The following USH2A variants were observed in gnomAD, a reference collection of about 807,000 sequenced individuals.
The protein encoded by USH2A is Usher syndrome 2A (autosomal recessive, mild).
In USH2A, 443 loss-of-function variants were observed where a neutral mutation model predicts 538.9. The observed-to-expected ratio is 0.82, with a 90% confidence interval of 0.76 to 0.89. The LOEUF (loss-of-function observed/expected upper bound fraction) is 0.89, where lower values mean the gene tolerates loss of function less well. Among genes scored for constraint, USH2A ranks in the 40% least tolerant of loss-of-function variants. The pLI is 0.00. For synonymous variants in USH2A, 2,413 were observed against 2,273.5 expected, an observed-to-expected ratio of 1.06 and a Z score of -1.75; for missense variants, 6,633 against 6,324.8, an observed-to-expected ratio of 1.05 and a Z score of -1.65.
chr1:215,837,856 C>A, intron 47 of USH2A, 135 bp downstream of exon 47: 5 of 756,438 alleles, frequency 6.6e-6, no homozygotes, highest in South Asian at 6.0e-5. Flanking sequence ...GAAATAATAT[C>A]AAAAATTTGA....
chr1:216,226,226 G>A (rs2035558075), intron 14 of USH2A, among the ~76,000 whole-genome samples: 1 of 152,188 alleles, frequency 6.6e-6, no homozygotes. Context: ...CATGTTCCAT[G>A]TGGATATAAA....
chr1:216,025,716 T>C (rs1006230388), intron 32 of USH2A, among the ~76,000 whole-genome samples: 3 of 152,102 alleles, frequency 2.0e-5, no homozygotes, highest in Non-Finnish European at 4.4e-5. Flanking sequence ...ATTTGATTTA[T>C]ATTTTAAAAA....
At chr1:216,214,325 T>C (rs1273598956) in intron 15 of USH2A, among the ~76,000 whole-genome samples, 2 of 151,956 alleles carry the variant, frequency 1.3e-5, no homozygotes, top group African/African-American at 4.8e-5. Context: ...AAACAAAATA[T>C]AGTGTATCCA....
intron 51 of USH2A, among the ~76,000 whole-genome samples, chr1:215,788,833 A>G (rs140135270): frequency 0.021 from 3,248 of 152,324 alleles, 54 homozygotes; most frequent in Admixed American, 0.032. Context: ...TAGTATTTTT[A>G]TACATTAAGC....
chr1:215,967,777 T>A (rs986313371), intron 36 of USH2A, among the ~76,000 whole-genome samples: 13 of 151,552 alleles, frequency 8.6e-5, no homozygotes, highest in Non-Finnish European at 1.6e-4. Context: ...AGGGTGAATG[T>A]GTTTGTACAT....
At chr1:215,702,922 G>T (rs534947000) in intron 61 of USH2A, among the ~76,000 whole-genome samples, 1 of 151,924 alleles carries the variant, frequency 6.6e-6, no homozygotes, top group East Asian at 1.9e-4. Context: ...GCCTTTTTGC[G>T]CTGGTTTACT....
chr1:216,073,432 C>T, intron 27 of USH2A, 132 bp from the exon 28 acceptor site: 2 of 908,966 alleles, frequency 2.2e-6, no homozygotes, highest in South Asian at 1.5e-5. Flanking sequence ...TTCGAGTCTT[C>T]CTTGGAAAAC....
At chr1:215,701,386 T>C (rs1464343354) in intron 61 of USH2A, among the ~76,000 whole-genome samples, 1 of 152,218 alleles carries the variant, frequency 6.6e-6, no homozygotes, top group Non-Finnish European at 1.5e-5. Context: ...TAATTTTCTG[T>C]CTCGTTGATC....
At chr1:216,232,825 A>C (rs1171246358) in intron 13 of USH2A, among the ~76,000 whole-genome samples, 3 of 152,156 alleles carry the variant, frequency 2.0e-5, no homozygotes, top group African/African-American at 7.2e-5. Flanking sequence ...TAGGGGCTTT[A>C]TCTTGAGCAT....
At chr1:215,758,249 G>A (rs547676865) in intron 58 of USH2A, among the ~76,000 whole-genome samples, 195 of 148,808 alleles carry the variant, frequency 1.3e-3, no homozygotes, top group African/African-American at 4.6e-3. Context: ...TTGCGCCATT[G>A]CACCCCAGCC....
intron 56 of USH2A, among the ~76,000 whole-genome samples, chr1:215,761,095 C>T (rs928408199): frequency 1.4e-4 from 22 of 152,180 alleles, no homozygotes; most frequent in African/African-American, 5.3e-4. Flanking sequence ...TCCTTTCTAT[C>T]CCTAGAATGC....
Position 215,888,664 on chromosome 1 carries a change from C to T in USH2A, c.7985G>A (p.Arg2662Lys), listed in dbSNP as rs1342651521. ...GLVENFTIERRVKGKEEVTTL... is the reference protein window; with the variant it reads ...GLVENFTIERKVKGKEEVTTL... ...AGTAACTTCTTCCTTTCCTTTGACT[C>T]TTCTCTCAATTGTGAAATTCTCCAC... Residue 2662 changes from arginine to lysine, a missense_variant, in exon 41 of 72, where the codon AGA (arginine) becomes AAA (lysine). Arg to Lys is a conservative substitution (Grantham distance 26). Transcript: ENST00000307340. 1.2e-6 allele frequency: 2 copies of T among 1,614,142 alleles called. No individual in the cohort carries two copies. Among genetic ancestry groups the T allele is most frequent in the East Asian group, 2.2e-5 (1 of 44,868 alleles).
At chr1:216,372,782 T>C (rs948600221) in intron 3 of USH2A, among the ~76,000 whole-genome samples, 1 of 152,202 alleles carries the variant, frequency 6.6e-6, no homozygotes, top group African/African-American at 2.4e-5. Flanking sequence ...TAAAGAGGTG[T>C]CATGTACACT....
chr1:215,760,507 C>T (rs1172716487), intron 56 of USH2A, among the ~76,000 whole-genome samples: 1 of 152,134 alleles, frequency 6.6e-6, no homozygotes, highest in Non-Finnish European at 1.5e-5. Flanking sequence ...AGGCATATCT[C>T]TAGATTGAAA....
chr1:216,097,249 G>C, intron 21 of USH2A, 36 bp from the exon 22 acceptor site: 6 of 1,613,650 alleles, frequency 3.7e-6, no homozygotes, highest in Non-Finnish European at 4.2e-6. Flanking sequence ...ATCAGTGCTG[G>C]GGTTTTGTTG....
Position 215,640,576 on chromosome 1 carries a change from G to A in USH2A, c.14950C>T (p.Pro4984Ser). The change falls in exon 68 of 72, where the codon CCG becomes TCG. Residue 4984 changes from proline to serine, a missense_variant. Coordinates refer to ENST00000307340, the MANE Select transcript of USH2A (RefSeq NM_206933.4). The stretch of plus-strand genomic sequence containing the variant: ...AACTAACTTTTGTCCGCCGTTCTCG[G>A]TATGTAGAGGGTGGTGTCCAAGCCG... ...YSGLDTTLYI[P>S]RTADKTFFFQ... 8 of 1,613,906 alleles carry A rather than the reference G, an allele frequency of 5.0e-6. No individual in the cohort carries two copies. The highest frequency in any genetic ancestry group is 5.9e-6 in the Non-Finnish European group (7 of 1,179,994).
intron 21 of USH2A, among the ~76,000 whole-genome samples, chr1:216,125,293 T>C (rs532342): frequency 0.78 from 118,776 of 151,816 alleles, 47,302 homozygotes; most frequent in East Asian, 0.98. Context: ...TTAAACGTTA[T>C]CTAAAACTCA....
intron 29 of USH2A, chr1:216,072,621 C>T: frequency 4.1e-6 from 2 of 489,312 alleles, no homozygotes; most frequent in South Asian, 2.0e-5. Flanking sequence ...CTATTACATC[C>T]TTAAGACAAC....
At chr1:215,818,325 G>A (rs1662916829) in intron 47 of USH2A, among the ~76,000 whole-genome samples, 1 of 151,516 alleles carries the variant, frequency 6.6e-6, no homozygotes, top group Non-Finnish European at 1.5e-5. Context: ...CAAAATAAAT[G>A]CCCAAATTGA....
Sources: gnomAD v4.1 joint callset for allele counts (sites outside exome capture counted in the v4.1 genomes callset) on GRCh38, gnomAD v4.1.1 for gene constraint, MANE v1.5 for transcripts, NCBI Gene and HGNC (gene_info 2026-07-23, HGNC 2026-07-21) for gene names.